Variants in PIK3C3 observed in about 807,000 individuals in gnomAD.
PIK3C3 encodes phosphatidylinositol 3-kinase catalytic subunit type 3.
Under a neutral mutation model 126.1 loss-of-function variants are expected in PIK3C3, and 95 were observed. The observed-to-expected ratio is 0.75, with a 90% CI of 0.64 to 0.89. The LOEUF is 0.89. Among genes scored for constraint, PIK3C3 ranks in the 40% least tolerant of loss-of-function variants. PIK3C3 has a pLI of 0.00. For missense variants in PIK3C3, 829 were observed against 1,063.2 expected, an observed-to-expected ratio of 0.78 and a Z score of 3.06; for synonymous variants, 374 against 360.0, an observed-to-expected ratio of 1.04 and a Z score of -0.44.
At chr18:41,981,096 T>G (rs536990926) in intron 4 of PIK3C3, among the ~76,000 whole-genome samples, 47 of 152,344 alleles carry the variant, frequency 3.1e-4, no homozygotes, top group African/African-American at 1.1e-3. Context: ...TAAACATATC[T>G]TATTGCTTTG....
In PIK3C3 at chr18:42,057,557, T is replaced by C. The variant is rs540103057; in HGVS notation, c.2264-326T>C. ...AAAAAATTTTCTACAAGATTCCACTTTCTGCTGATACCTTAAAAAGTTACC... is the reference window on the plus strand; with the variant it reads ...AAAAAATTTTCTACAAGATTCCACTCTCTGCTGATACCTTAAAAAGTTACC... On this transcript the variant is annotated intron_variant, in intron 21 of 24. Coordinates refer to ENST00000262039, the MANE Select transcript of PIK3C3 (RefSeq NM_002647.4). 1.9e-5 allele frequency: 4 copies of C among 205,842 alleles called. No homozygotes were observed. The South Asian group carries it at 3.6e-4, about 19-fold the overall frequency. The allele number at this position is 205,842 out of a possible 1,614,324, so 12.8% of individuals were successfully genotyped here. A position where few individuals can be genotyped will look rare whatever the true frequency, so the allele number is the denominator to read the frequency against.
At chr18:41,994,890 A>G (rs1043636217) in intron 7 of PIK3C3, among the ~76,000 whole-genome samples, 2 of 152,004 alleles carry the variant, frequency 1.3e-5, no homozygotes, top group South Asian at 4.1e-4. Flanking sequence ...AATAAAATAA[A>G]TTAGCCAGGT....
rs1009689513 is a variant in PIK3C3, at chr18:42,068,973, T to G, written c.2649+1460T>G. On this transcript the variant is annotated intron_variant, in intron 24 of 24. Transcript: ENST00000262039. The stretch of plus-strand genomic sequence containing the variant: ...TCAAAAAAAAAAAAAAAAAAAGAAA[T>G]AGATATTTAGATTCCGTTATAACTC... Among the ~76,000 whole-genome samples the G allele has an allele frequency of 2.6e-3, 352 of 137,286 alleles. 2 individuals are homozygous for G. Among genetic ancestry groups the G allele is most frequent in the African/African-American group, 8.9e-3 (339 of 37,908 alleles). 90.1% of individuals were successfully genotyped at this position (137,286 alleles called of 152,430 possible). A position where few individuals can be genotyped will look rare whatever the true frequency, so the allele number is the denominator to read the frequency against.
rs187691389 is a variant in PIK3C3, at chr18:42,031,968, A to G, written c.1708-1858A>G. Among the ~76,000 whole-genome samples, 290 of 152,346 alleles carry G rather than the reference A, an allele frequency of 1.9e-3. 1 individual carries two copies. Among genetic ancestry groups the G allele is most frequent in the African/African-American group, 6.8e-3 (281 of 41,582 alleles). ...AGAGTAAATGCAATAAATAAATAAA[A>G]TGTATATAGTGTGCTAGATAGTGTT... On this transcript the variant is annotated intron_variant, in intron 15 of 24. Transcript: ENST00000262039.
At chr18:41,970,539 C>T in intron 4 of PIK3C3, 83 bp downstream of exon 4, 2 of 1,209,686 alleles carry the variant, frequency 1.7e-6, no homozygotes, top group Non-Finnish European at 2.4e-6. Context: ...TGAACTCTGT[C>T]AGATTTTTAA....
rs759202316 is a variant in PIK3C3, at chr18:41,995,627, A to G, written c.787-263A>G. ...TGGTTAGAGGATATGGAAACCTTGA[A>G]TATGTGGAGAGTGAAGGGACGATGT... On this transcript the variant is annotated intron_variant, in intron 7 of 24. Coordinates refer to ENST00000262039, the MANE Select transcript of PIK3C3 (RefSeq NM_002647.4). Among the ~76,000 whole-genome samples, 6 of 152,270 alleles carry G rather than the reference A, an allele frequency of 3.9e-5. No individual in the cohort carries two copies. In the East Asian group the frequency reaches 1.2e-3, roughly 29 times the overall value.
intron 7 of PIK3C3, among the ~76,000 whole-genome samples, chr18:41,994,181 A>G (rs1372150027): frequency 6.6e-6 from 1 of 152,170 alleles, no homozygotes; most frequent in Non-Finnish European, 1.5e-5. Context: ...TCAAAGGAAG[A>G]GATGGGCAGC....
At chr18:41,963,635 A>G (rs1980207780) in intron 3 of PIK3C3, among the ~76,000 whole-genome samples, 1 of 152,146 alleles carries the variant, frequency 6.6e-6, no homozygotes, top group Non-Finnish European at 1.5e-5. Context: ...TCTGGATATT[A>G]CAAATGTCTT....
At chr18:41,999,608 G>T (rs1982187251) in intron 9 of PIK3C3, among the ~76,000 whole-genome samples, 1 of 152,098 alleles carries the variant, frequency 6.6e-6, no homozygotes, top group African/African-American at 2.4e-5. Flanking sequence ...GAGCTTTCAG[G>T]TATCATGTCC....
intron 3 of PIK3C3, 79 bp downstream of exon 3, chr18:41,962,711 T>A: frequency 1.5e-6 from 2 of 1,378,098 alleles, no homozygotes; most frequent in Non-Finnish European, 2.0e-6. Context: ...GGGAAGGCTT[T>A]AATAGTTTAT....
chr18:41,990,734 C>A, intron 6 of PIK3C3, 180 bp downstream of exon 6: 2 of 520,974 alleles, frequency 3.8e-6, no homozygotes, highest in South Asian at 2.8e-5. Flanking sequence ...ATTACAAAAG[C>A]CTATCACTCA....
At chr18:41,959,446 G>C (rs185921361) in intron 2 of PIK3C3, among the ~76,000 whole-genome samples, 4 of 151,740 alleles carry the variant, frequency 2.6e-5, no homozygotes, top group Admixed American at 2.6e-4. Flanking sequence ...TGGAAAGTAC[G>C]CTAAAATTAT....
intron 12 of PIK3C3, among the ~76,000 whole-genome samples, chr18:42,019,084 C>T (rs1189466029): frequency 7.2e-5 from 11 of 152,028 alleles, no homozygotes; most frequent in Non-Finnish European, 1.6e-4. Context: ...CAATAGAAAC[C>T]ACTAGGTAAG....
Position 41,962,575 on chromosome 18 carries a change from G to T in PIK3C3, c.344G>T (p.Gly115Val). Residue 115 changes from glycine (G) to valine (V), a missense_variant, in exon 3 of 25, where the codon GGT (glycine) becomes GTT (valine). Physicochemically the swap from Gly to Val is moderately radical, Grantham distance 109. Coordinates refer to ENST00000262039, the MANE Select transcript of PIK3C3 (RefSeq NM_002647.4). Reference sequence around the variant, plus strand: ...GCCCTCACCATATGGGATGTGTATGGTCCCGGAAAAGCAGTGCCTGTAGGA... The same window carrying T: ...GCCCTCACCATATGGGATGTGTATGTTCCCGGAAAAGCAGTGCCTGTAGGA... ...QVALTIWDVY[G>V]PGKAVPVGGT... 1 of 1,613,752 alleles carries T rather than the reference G, an allele frequency of 6.2e-7. No homozygotes were observed. The highest frequency in any genetic ancestry group is 8.5e-7 in the Non-Finnish European group (1 of 1,179,752).
intron 3 of PIK3C3, among the ~76,000 whole-genome samples, chr18:41,967,270 CAG>C (rs1980417384): frequency 6.6e-6 from 1 of 152,018 alleles, no homozygotes; most frequent in Non-Finnish European, 1.5e-5. Context: ...TCCAGGGAGT[CAG>C]GGCAATATGA....
chr18:42,076,127 T>TATATATACAC (rs1985989931), intron 24 of PIK3C3, among the ~76,000 whole-genome samples: 1 of 75,848 alleles, frequency 1.3e-5, no homozygotes, highest in African/African-American at 6.8e-5. Context: ...TATATGCGCA[T>TATATATACAC]ATATATATAT....
At chr18:41,994,662 GA>G (rs1981942262) in intron 7 of PIK3C3, among the ~76,000 whole-genome samples, 1 of 151,772 alleles carries the variant, frequency 6.6e-6, no homozygotes, top group Non-Finnish European at 1.5e-5. Context: ...AATTAATTTG[GA>G]AAAAAATAAT....
Position 42,071,455 on chromosome 18 carries a change from C to A in PIK3C3, c.2649+3942C>A, listed in dbSNP as rs185730721. Among the ~76,000 whole-genome samples the A allele has an allele frequency of 1.8e-4, 28 of 152,292 alleles. 1 individual carries two copies. In the East Asian group the frequency reaches 4.6e-3, roughly 25 times the overall value. On this transcript the variant is annotated intron_variant, in intron 24 of 24. Coordinates refer to ENST00000262039, the MANE Select transcript of PIK3C3 (RefSeq NM_002647.4). Reference sequence around the variant, plus strand: ...TTGTTTTCAGCCTGGCTCAGTGGCTCATGCCTGTAATCCCAGCACTTTGCA... The same window carrying A: ...TTGTTTTCAGCCTGGCTCAGTGGCTAATGCCTGTAATCCCAGCACTTTGCA...
chr18:41,976,387 C>G (rs1980925126), intron 4 of PIK3C3, among the ~76,000 whole-genome samples: 1 of 151,816 alleles, frequency 6.6e-6, no homozygotes, highest in African/African-American at 2.4e-5. Flanking sequence ...AATTGTATTA[C>G]TAAGTTCCTG....
Sources: allele counts gnomAD v4.1 joint callset (sites outside exome capture counted in the v4.1 genomes callset), GRCh38; gene constraint gnomAD v4.1.1; transcripts MANE v1.5; gene names NCBI Gene and HGNC (gene_info 2026-07-23, HGNC 2026-07-21).